CMIP: variants seen among roughly 807,000 people sequenced by gnomAD.
CMIP encodes the protein c-Maf inducing protein, also known as C-Maf-inducing protein.
In CMIP, 13 loss-of-function variants were observed where a neutral mutation model predicts 97.3. That is an observed-to-expected ratio of 0.13 (90% CI 0.09 to 0.21). CMIP has a LOEUF of 0.21. Ranked by LOEUF, CMIP falls within the 10% of genes least tolerant of loss-of-function variation. CMIP has a pLI of 1.00. For synonymous variants in CMIP, 538 were observed against 436.3 expected (o/e 1.23, Z -2.91); for missense variants, 847 against 1,024.9 (o/e 0.83, Z 2.37).
intron 3 of CMIP, among the ~76,000 whole-genome samples, chr16:81,641,191 G>T (rs1453900390): frequency 6.6e-6 from 1 of 152,106 alleles, no homozygotes; most frequent in Non-Finnish European, 1.5e-5. Context: ...AGAGTTGCAG[G>T]GTAGGTGAAA....
At chr16:81,457,481 G>C (rs1461217007) in intron 1 of CMIP, among the ~76,000 whole-genome samples, 1 of 152,156 alleles carries the variant, frequency 6.6e-6, no homozygotes, top group Non-Finnish European at 1.5e-5. Context: ...GTGTGGCATA[G>C]GTACACAGGG....
intron 1 of CMIP, among the ~76,000 whole-genome samples, chr16:81,587,148 A>T (rs1387121742): frequency 6.6e-6 from 1 of 152,228 alleles, no homozygotes; most frequent in African/African-American, 2.4e-5. Flanking sequence ...GCAGGGAGTC[A>T]GAGGTGTTTA....
At chr16:81,465,788 G>C (rs569911644) in intron 1 of CMIP, among the ~76,000 whole-genome samples, 15 of 152,300 alleles carry the variant, frequency 9.8e-5, no homozygotes, top group Non-Finnish European at 1.9e-4. Context: ...TGTGCCTGTG[G>C]CCCTGGCTCA....
intron 1 of CMIP, among the ~76,000 whole-genome samples, chr16:81,588,565 T>A (rs556364301): frequency 2.2e-4 from 33 of 152,242 alleles, no homozygotes; most frequent in African/African-American, 7.9e-4. Context: ...ACCTACTTCT[T>A]CTGAAATGAC....
Position 81,554,129 on chromosome 16 carries a change from C to A in CMIP, c.301-53438C>A, listed in dbSNP as rs551789373. ...ATCATTAAGTTAATTGTCTTCCTTG[C>A]CAAACTCATTGAGGGCGGATACCCA... On this transcript the variant is annotated intron_variant, in intron 1 of 20. Coordinates refer to ENST00000537098, the MANE Select transcript of CMIP (RefSeq NM_198390.3). 1.1e-4 allele frequency among the ~76,000 whole-genome samples: 17 copies of A among 152,330 alleles called. No individual in the cohort carries two copies. The South Asian group carries it at 3.5e-3, about 32-fold the overall frequency.
chr16:81,675,890 C>G (rs551519861), intron 9 of CMIP, among the ~76,000 whole-genome samples: 1 of 152,302 alleles, frequency 6.6e-6, no homozygotes, highest in East Asian at 1.9e-4. Flanking sequence ...GCTTGTCTAA[C>G]AAGCTCCCAG....
intron 2 of CMIP, chr16:81,610,641 C>A: frequency 1.8e-6 from 1 of 551,514 alleles, no homozygotes; most frequent in Non-Finnish European, 2.3e-6. Context: ...GCTTCCCTCT[C>A]ATCCTCACCC....
At chr16:81,706,543 C>G (rs1266222735) in intron 19 of CMIP, among the ~76,000 whole-genome samples, 2 of 152,238 alleles carry the variant, frequency 1.3e-5, no homozygotes, top group Non-Finnish European at 2.9e-5. Context: ...CTGCTGCGGC[C>G]CTGCTCAGCG....
intron 7 of CMIP, chr16:81,667,300 C>A (rs1161614434): frequency 6.6e-6 from 1 of 152,194 alleles, no homozygotes; most frequent in East Asian, 1.9e-4. Context: ...TAGTATGTTC[C>A]TCTGGAGATT....
intron 1 of CMIP, among the ~76,000 whole-genome samples, chr16:81,516,516 C>G (rs960041121): frequency 2.6e-5 from 4 of 152,220 alleles, no homozygotes; most frequent in Admixed American, 2.0e-4. Flanking sequence ...TGGACACTCT[C>G]ATGCTCTTGC....
intron 1 of CMIP, among the ~76,000 whole-genome samples, chr16:81,524,887 A>T (rs537920895): frequency 9.3e-4 from 139 of 149,698 alleles, no homozygotes; most frequent in Non-Finnish European, 1.5e-3. Flanking sequence ...TCCACCTCCC[A>T]GGTTCAAGTG....
chr16:81,543,188 G>T (rs1478704595), intron 1 of CMIP, among the ~76,000 whole-genome samples: 1 of 152,212 alleles, frequency 6.6e-6, no homozygotes, highest in Non-Finnish European at 1.5e-5. Flanking sequence ...CATCTGAGAG[G>T]TGGGCTGGGT....
intron 9 of CMIP, among the ~76,000 whole-genome samples, chr16:81,675,849 T>G (rs145121887): frequency 1.4e-4 from 22 of 152,332 alleles, no homozygotes; most frequent in Non-Finnish European, 3.2e-4. Flanking sequence ...AGATTTGGAT[T>G]CAGCAGGTCT....
At chr16:81,607,541 CTCT>C (rs749675636) in intron 1 of CMIP, 23 bp from the exon 2 acceptor site, 3 of 1,611,966 alleles carry the variant, frequency 1.9e-6, no homozygotes, top group South Asian at 2.2e-5. Flanking sequence ...CAATGCATAT[CTCT>C]TCTTTTTCTT....
At chr16:81,644,950 T>A (rs1034751909) in intron 3 of CMIP, among the ~76,000 whole-genome samples, 2 of 152,102 alleles carry the variant, frequency 1.3e-5, no homozygotes, top group Non-Finnish European at 2.9e-5. Context: ...ACATGCATGC[T>A]CCTGGGCCCG....
intron 1 of CMIP, among the ~76,000 whole-genome samples, chr16:81,543,313 A>ACACGGCAGCCGGAGAGCGCTC (rs2090483072): frequency 1.3e-5 from 2 of 152,190 alleles, no homozygotes; most frequent in Admixed American, 6.5e-5. Flanking sequence ...GTCCAGTGCT[A>ACACGGCAGCCGGAGAGCGCTC]CACGGCAGCC....
chr16:81,546,823 T>G (rs2090555406), intron 1 of CMIP, among the ~76,000 whole-genome samples: 1 of 152,196 alleles, frequency 6.6e-6, no homozygotes, highest in South Asian at 2.1e-4. Flanking sequence ...CTATTTACAT[T>G]GAATTAAAAT....
At chr16:81,576,172 G>C (rs1307234181) in intron 1 of CMIP, among the ~76,000 whole-genome samples, 2 of 152,184 alleles carry the variant, frequency 1.3e-5, no homozygotes, top group African/African-American at 4.8e-5. Flanking sequence ...GGGAGGCTGA[G>C]GCGGGTGGAT....
At chr16:81,653,758 G>A (rs1259192193) in intron 4 of CMIP, among the ~76,000 whole-genome samples, 1 of 152,152 alleles carries the variant, frequency 6.6e-6, no homozygotes. Context: ...GATTACAGGC[G>A]TGCGCCACCA....
Sources: gnomAD v4.1 joint callset for allele counts (sites outside exome capture counted in the v4.1 genomes callset) on GRCh38, gnomAD v4.1.1 for gene constraint, MANE v1.5 for transcripts, NCBI Gene and HGNC (gene_info 2026-07-23, HGNC 2026-07-21) for gene names.